Variants in IL21R observed in about 807,000 individuals in gnomAD.
IL21R encodes interleukin 21 receptor.
A neutral mutation model predicts 41.3 loss-of-function variants in IL21R; 14 were observed. The ratio of observed to expected loss-of-function variants is 0.34; its 90% CI spans 0.22 to 0.53. The LOEUF (loss-of-function observed/expected upper bound fraction) is 0.53, where lower values mean the gene tolerates loss of function less well. IL21R is among the 20% of genes least tolerant of loss of function. IL21R has a pLI of 0.94. For missense variants in IL21R, 588 were observed against 681.6 expected, an observed-to-expected ratio of 0.86 and a Z score of 1.53; for synonymous variants, 286 against 287.6, an observed-to-expected ratio of 0.99 and a Z score of 0.05.
At chr16:27,418,464 G>C (rs2086937410) in intron 1 of IL21R, among the ~76,000 whole-genome samples, 1 of 152,080 alleles carries the variant, frequency 6.6e-6, no homozygotes, top group African/African-American at 2.4e-5. Context: ...CGCCTCCCAG[G>C]TTCAGGCAAT....
At chr16:27,444,272 G>C (rs1048683837) in intron 5 of IL21R, among the ~76,000 whole-genome samples, 2 of 152,006 alleles carry the variant, frequency 1.3e-5, no homozygotes, top group African/African-American at 4.8e-5. Context: ...AGTCCTGCAG[G>C]GAGAGTCCAC....
chr16:27,444,186 C>T (rs769403838), intron 5 of IL21R, among the ~76,000 whole-genome samples: 1 of 151,474 alleles, frequency 6.6e-6, no homozygotes, highest in African/African-American at 2.4e-5. Flanking sequence ...TGAGAATGTC[C>T]TCAACTGTTG....
intron 1 of IL21R, among the ~76,000 whole-genome samples, chr16:27,418,025 ATTTT>A (rs2141268324): frequency 1.1e-5 from 1 of 92,026 alleles, no homozygotes; most frequent in South Asian, 4.7e-4. Flanking sequence ...ATTTTATTTT[ATTTT>A]ATTTTATTTT....
Position 27,450,219 on chromosome 16 carries a change from A to G in IL21R, c.*936A>G, listed in dbSNP as rs2087568061. The G allele has an allele frequency of 4.3e-6, 1 of 232,818 alleles. No individual in the cohort carries two copies. Among genetic ancestry groups the G allele is most frequent in the Non-Finnish European group, 8.5e-6 (1 of 117,836 alleles). The allele number at this position is 232,818 out of a possible 1,614,324, so 14.4% of individuals were successfully genotyped here. A position where few individuals can be genotyped will look rare whatever the true frequency, so the allele number is the denominator to read the frequency against. On this transcript the variant is annotated 3_prime_UTR_variant, in exon 9 of 9. Transcript: ENST00000337929. Reference sequence around the variant, plus strand: ...TCAGTCCGTTTCGTCTCTTGGAAACAGCTCCCCACCAACCAAGATTTCTTT... The same window carrying G: ...TCAGTCCGTTTCGTCTCTTGGAAACGGCTCCCCACCAACCAAGATTTCTTT...
intron 4 of IL21R, among the ~76,000 whole-genome samples, chr16:27,439,293 T>G (rs2087331547): frequency 6.6e-6 from 1 of 151,958 alleles, no homozygotes. Context: ...CTGCATGGCA[T>G]GGACACAGAG....
At position 27,449,229 on chromosome 16, in the gene IL21R, C is replaced by T. The variant is rs201226812; in HGVS notation, c.1563C>T (p.Arg521=). 6.0e-5 allele frequency: 96 copies of T among 1,612,136 alleles called. No individual in the cohort carries two copies. In the East Asian group the frequency reaches 2.0e-3, roughly 33 times the overall value. The change falls in exon 9 of 9, where the codon CGC becomes CGT. Residue 521 remains arginine, a synonymous_variant. Coordinates refer to ENST00000337929, the MANE Select transcript of IL21R (RefSeq NM_181078.3). ...AAGGACCCCCCCGGAGCTACCTCCGCCAGTGGGTGGTCATTCCTCCGCCAC... is the reference window on the plus strand; with the variant it reads ...AAGGACCCCCCCGGAGCTACCTCCGTCAGTGGGTGGTCATTCCTCCGCCAC... The part of the protein sequence containing the change: ...GDEGPPRSYL[R]QWVVIPPPLS...
rs35044665 is a variant in IL21R, at chr16:27,449,458, A to ATGTG, written c.*191_*194dup. On this transcript the variant is annotated 3_prime_UTR_variant, in exon 9 of 9. Transcript: ENST00000337929. ...TGCATATGTGTGTGTGTGCATATGC[A>ATGTG]TGTGTGTGTGTGTGTGTGTCTTAGG... The ATGTG allele has an allele frequency of 0.015, 9,216 of 600,226 alleles. 549 individuals carry two copies. The highest frequency in any genetic ancestry group is 0.15 in the African/African-American group (7,989 of 53,288). 37.2% of individuals were successfully genotyped at this position (600,226 alleles called of 1,614,324 possible). A position where few individuals can be genotyped will look rare whatever the true frequency, so the allele number is the denominator to read the frequency against.
At chr16:27,444,380 C>A (rs2141309101) in intron 5 of IL21R, among the ~76,000 whole-genome samples, 162 bp from the exon 6 acceptor site, 1 of 152,168 alleles carries the variant, frequency 6.6e-6, no homozygotes, top group South Asian at 2.1e-4. Flanking sequence ...TCTGTGCTCC[C>A]CATGCCTGAG....
At chr16:27,418,970 T>G (rs2141270625) in intron 1 of IL21R, among the ~76,000 whole-genome samples, 1 of 152,148 alleles carries the variant, frequency 6.6e-6, no homozygotes, top group Non-Finnish European at 1.5e-5. Context: ...ATCCCGGCAC[T>G]TTGGGAGGCC....
At position 27,425,852 on chromosome 16, in the gene IL21R, G is replaced by A. The variant is rs574014586; in HGVS notation, c.-16-4204G>A. 1.9e-4 allele frequency among the ~76,000 whole-genome samples: 29 copies of A among 152,180 alleles called. No homozygotes were observed. In the East Asian group the frequency reaches 4.4e-3, roughly 23 times the overall value. ...ATTACAGGCATGACCCAGTGTGCCC[G>A]GCCTCCCTTTCTTAACTTTAAACAA... On this transcript the variant is annotated intron_variant, in intron 1 of 8. Coordinates refer to ENST00000337929, the MANE Select transcript of IL21R (RefSeq NM_181078.3).
chr16:27,446,055 G>A lies in IL21R; in HGVS notation c.834G>A (p.Met278Ile). ...WAVPSPERFF[M>I]PLYKGCSGDF... ...TCCCCAGCCCTGAGCGGTTCTTCAT[G>A]CCCCTGTACAAGGGCTGCAGCGGAG... Residue 278 changes from methionine to isoleucine, a missense_variant, in exon 8 of 9, where the codon ATG becomes ATA. Physicochemically the swap from Met to Ile is conservative, Grantham distance 10. Transcript: ENST00000337929. 2 of 1,613,748 alleles carry A rather than the reference G, an allele frequency of 1.2e-6. No individual in the cohort carries two copies. Among genetic ancestry groups the A allele is most frequent in the South Asian group, 2.2e-5 (2 of 91,036 alleles).
chr16:27,449,514 A>T lies in IL21R; in HGVS notation c.*231A>T. ...AGTGGCATGTCCACGTGTGTGTGTG[A>T]TTGCACGTGCCTGTGGGCCTGGGAT... On this transcript the variant is annotated 3_prime_UTR_variant, in exon 9 of 9. Coordinates refer to ENST00000337929, the MANE Select transcript of IL21R (RefSeq NM_181078.3). 1 of 563,384 alleles carries T rather than the reference A, an allele frequency of 1.8e-6. No homozygotes were observed. Among genetic ancestry groups the T allele is most frequent in the East Asian group, 2.9e-5 (1 of 34,206 alleles). 34.9% of individuals were successfully genotyped at this position (563,384 alleles called of 1,614,324 possible). A position where few individuals can be genotyped will look rare whatever the true frequency, so the allele number is the denominator to read the frequency against.
chr16:27,443,221 C>G, intron 5 of IL21R, 105 bp downstream of exon 5: 2 of 1,086,200 alleles, frequency 1.8e-6, no homozygotes, highest in Non-Finnish European at 2.6e-6. Context: ...CATTCATGGC[C>G]AAGAACAGAG....
intron 3 of IL21R, among the ~76,000 whole-genome samples, chr16:27,434,736 T>G (rs771556106): frequency 1.6e-4 from 24 of 152,098 alleles, no homozygotes; most frequent in Non-Finnish European, 2.5e-4. Context: ...AACTACACGC[T>G]TCCCATGAAT....
At position 27,445,987 on chromosome 16, in the gene IL21R, A is replaced by G; in HGVS notation, c.786-20A>G. ...GCCCTCTGGTGATGTCAGGGTCCTC[A>G]CCCCTCTCTGCCCCCTCAGGCTATG... is the stretch of plus-strand genomic sequence containing the variant. On this transcript the variant is annotated intron_variant, in intron 7 of 8. Transcript: ENST00000337929. The G allele has an allele frequency of 1.2e-6, 2 of 1,602,740 alleles. No individual in the cohort carries two copies. The highest frequency in any genetic ancestry group is 1.7e-6 in the Non-Finnish European group (2 of 1,173,040).
Position 27,449,907 on chromosome 16 carries a change from G to C in IL21R, c.*624G>C, listed in dbSNP as rs946018275. Reference sequence around the variant, plus strand: ...GGACGAAGGTCTGAATCCCGACTCTGATACCTTCTGGCTGTGCTACCTGAG... The same window carrying C: ...GGACGAAGGTCTGAATCCCGACTCTCATACCTTCTGGCTGTGCTACCTGAG... On this transcript the variant is annotated 3_prime_UTR_variant, in exon 9 of 9. Transcript: ENST00000337929. 1.7e-5 allele frequency: 4 copies of C among 234,068 alleles called. No individual in the cohort carries two copies. The highest frequency in any genetic ancestry group is 8.8e-5 in the African/African-American group (4 of 45,338). The allele number at this position is 234,068 out of a possible 1,614,324, so 14.5% of individuals were successfully genotyped here.
At chr16:27,411,661 G>T (rs769447543) in intron 1 of IL21R, among the ~76,000 whole-genome samples, 3 of 151,618 alleles carry the variant, frequency 2.0e-5, no homozygotes, top group Non-Finnish European at 4.4e-5. Context: ...ATGGGATTTC[G>T]CCATCTTGGC....
chr16:27,441,730 C>T (rs1323968602), intron 4 of IL21R, among the ~76,000 whole-genome samples: 3 of 152,142 alleles, frequency 2.0e-5, no homozygotes, highest in Non-Finnish European at 4.4e-5. Flanking sequence ...TAATATAGGC[C>T]AGGTGCAGTG....
intron 4 of IL21R, among the ~76,000 whole-genome samples, chr16:27,441,652 T>C (rs1370910344): frequency 6.6e-6 from 1 of 152,134 alleles, no homozygotes; most frequent in Non-Finnish European, 1.5e-5. Flanking sequence ...AGAACAGAAA[T>C]GGAAAATGAA....
Sources: gnomAD v4.1 joint callset for allele counts (sites outside exome capture counted in the v4.1 genomes callset) on GRCh38, gnomAD v4.1.1 for gene constraint, MANE v1.5 for transcripts, NCBI Gene and HGNC (gene_info 2026-07-23, HGNC 2026-07-21) for gene names.